BABAM2: variants seen among roughly 807,000 people sequenced by gnomAD.
The protein encoded by BABAM2 is BRISC and BRCA1-A complex member 2.
A neutral mutation model predicts 54.7 loss-of-function variants in BABAM2; 31 were observed. The observed-to-expected ratio is 0.57, with a 90% CI of 0.43 to 0.77. The LOEUF is 0.77. BABAM2 is among the 30% of genes least tolerant of loss of function. The pLI, the probability that BABAM2 is intolerant of heterozygous loss-of-function variation, is 0.00. For missense variants in BABAM2, 364 were observed against 455.8 expected, an observed-to-expected ratio of 0.80 and a Z score of 1.83; for synonymous variants, 167 against 162.9, an observed-to-expected ratio of 1.03 and a Z score of -0.19.
At chr2:28,252,096 G>T (rs140328278) in intron 10 of BABAM2, among the ~76,000 whole-genome samples, 3,386 of 151,812 alleles carry the variant, frequency 0.022, 112 homozygotes, top group African/African-American at 0.078. Flanking sequence ...TGAGATAGGA[G>T]AATCGCTTGA....
chr2:28,308,452 C>G (rs1023653246), intron 11 of BABAM2: 1 of 528,310 alleles, frequency 1.9e-6, no homozygotes, highest in East Asian at 5.1e-5. Context: ...CAACTTGTGT[C>G]CATTGTGGAT....
Position 28,329,230 on chromosome 2 carries a change from C to A in BABAM2, c.1089-9220C>A, listed in dbSNP as rs116381048. Among the ~76,000 whole-genome samples the A allele has an allele frequency of 1.7e-3, 258 of 152,334 alleles. 1 individual carries two copies. Among genetic ancestry groups the A allele is most frequent in the Non-Finnish European group, 2.9e-3 (195 of 68,032 alleles). On this transcript the variant is annotated intron_variant, in intron 11 of 11. Coordinates refer to ENST00000379624, the MANE Select transcript of BABAM2 (RefSeq NM_199191.3). The surrounding 1 kb of genome is among the most constrained non-coding windows in gnomAD (Gnocchi z 4.2). Reference sequence around the variant, plus strand: ...CAGAGGGGTGGCCGAGAGGAACAGGCCTTCATGTCCCCCGACAAAACTGTC... The same window carrying A: ...CAGAGGGGTGGCCGAGAGGAACAGGACTTCATGTCCCCCGACAAAACTGTC...
chr2:28,228,665 A>T (rs1354188074), intron 7 of BABAM2, among the ~76,000 whole-genome samples: 1 of 152,218 alleles, frequency 6.6e-6, no homozygotes, highest in Non-Finnish European at 1.5e-5. Flanking sequence ...AGAGAAAAAA[A>T]AAACTTTTCT....
At position 28,311,260 on chromosome 2, in the gene BABAM2, CAA is replaced by C. The variant is rs11309935; in HGVS notation, c.1088+12787_1088+12788del. Among the ~76,000 whole-genome samples the C allele has an allele frequency of 1.9e-3, 207 of 110,434 alleles. 1 individual carries two copies. Among genetic ancestry groups the C allele is most frequent in the South Asian group, 7.9e-3 (27 of 3,428 alleles). The allele number at this position is 110,434 out of a possible 152,430, so 72.4% of individuals were successfully genotyped here. On this transcript the variant is annotated intron_variant, in intron 11 of 11. Transcript: ENST00000379624. ...TAGGCGACAGAATGAGACCCTGTCTCAAAAAAAAAAAAAAAAAAAGAACAATC... is the reference window on the plus strand; with the variant it reads ...TAGGCGACAGAATGAGACCCTGTCTCAAAAAAAAAAAAAAAAAGAACAATC...
chr2:28,251,719 A>G (rs936187100), intron 10 of BABAM2, among the ~76,000 whole-genome samples: 1 of 152,228 alleles, frequency 6.6e-6, no homozygotes, highest in Non-Finnish European at 1.5e-5. Context: ...TATATAAAGG[A>G]ATATACTTGA....
chr2:28,147,932 T>C (rs1671657935), intron 7 of BABAM2, among the ~76,000 whole-genome samples: 2 of 152,178 alleles, frequency 1.3e-5, no homozygotes, highest in Admixed American at 1.3e-4. Flanking sequence ...CCACTTAATA[T>C]ACCTCCCTAC....
chr2:28,278,306 T>G (rs1407106863), intron 10 of BABAM2, among the ~76,000 whole-genome samples: 5 of 152,108 alleles, frequency 3.3e-5, no homozygotes, highest in Non-Finnish European at 7.4e-5. Flanking sequence ...AGCTGGGGTT[T>G]GATAAACCAC....
In BABAM2 at chr2:28,046,528, A is replaced by G. The variant is rs540818997; in HGVS notation, c.570+729A>G. ...TTTGGCTGGCCTCCCTCTGTGCTGT[A>G]TTTGTACTTGTGGTTCTTTAATTGC... On this transcript the variant is annotated intron_variant, in intron 6 of 11. Coordinates refer to ENST00000379624, the MANE Select transcript of BABAM2 (RefSeq NM_199191.3). 2.0e-5 allele frequency among the ~76,000 whole-genome samples: 3 copies of G among 152,180 alleles called. No individual in the cohort carries two copies. In the East Asian group the frequency reaches 5.8e-4, roughly 29 times the overall value.
chr2:28,026,979 A>ATATAAATATATATATAAATATAT (rs1558668295), intron 5 of BABAM2, among the ~76,000 whole-genome samples: 1 of 96,600 alleles, frequency 1.0e-5, no homozygotes, highest in African/African-American at 5.1e-5. Flanking sequence ...TAAATATATA[A>ATATAAATATATATATAAATATAT]ATATATATAA....
At chr2:28,191,070 G>T (rs191076469) in intron 7 of BABAM2, among the ~76,000 whole-genome samples, 26 of 152,162 alleles carry the variant, frequency 1.7e-4, no homozygotes, top group Middle Eastern at 3.4e-3. Context: ...ATATGACAAA[G>T]AACTGTTATC....
At chr2:28,311,288 G>A (rs866805505) in intron 11 of BABAM2, among the ~76,000 whole-genome samples, 1 of 149,722 alleles carries the variant, frequency 6.7e-6, no homozygotes, top group African/African-American at 2.5e-5. Context: ...AAGAACAATC[G>A]AGTGTTCAAG....
intron 7 of BABAM2, among the ~76,000 whole-genome samples, chr2:28,208,628 C>A (rs760735116): frequency 2.8e-5 from 4 of 144,222 alleles, no homozygotes; most frequent in Admixed American, 6.9e-5. Context: ...TCCCTCCCTT[C>A]CTCTTTCTTT....
rs1690746611 is a variant in BABAM2 at position 28,329,276 on chromosome 2, G to A, written c.1089-9174G>A. Among the ~76,000 whole-genome samples the A allele has an allele frequency of 6.6e-6, 1 of 152,292 alleles. No homozygotes were observed. Among genetic ancestry groups the A allele is most frequent in the South Asian group, 2.1e-4 (1 of 4,828 alleles). On this transcript the variant is annotated intron_variant, in intron 11 of 11. Transcript: ENST00000379624. This position sits in a 1 kb window ranked among gnomAD's most constrained non-coding sequence, Gnocchi z 4.2. ...CTGTCTATGGCACTTTTTGCTCGGG[G>A]CTCTGCAGCGTTCACTAACCCTACC...
At chr2:28,137,500 A>G (rs942087829) in intron 7 of BABAM2, among the ~76,000 whole-genome samples, 5 of 152,216 alleles carry the variant, frequency 3.3e-5, no homozygotes, top group African/African-American at 1.2e-4. Flanking sequence ...GCAAGTTTTC[A>G]TTAGTGAGTT....
At chr2:28,135,504 C>T (rs1395734938) in intron 7 of BABAM2, among the ~76,000 whole-genome samples, 1 of 152,066 alleles carries the variant, frequency 6.6e-6, no homozygotes, top group Non-Finnish European at 1.5e-5. Flanking sequence ...TTGTGGATGA[C>T]ACCCAGATCC....
At chr2:28,232,486 C>T (rs1363824395) in intron 7 of BABAM2, among the ~76,000 whole-genome samples, 1 of 152,172 alleles carries the variant, frequency 6.6e-6, no homozygotes, top group Non-Finnish European at 1.5e-5. Context: ...AGAAATGTGT[C>T]ATTAAGCAGT....
intron 3 of BABAM2, among the ~76,000 whole-genome samples, chr2:27,938,063 T>G (rs1668614821): frequency 6.6e-6 from 1 of 152,196 alleles, no homozygotes; most frequent in South Asian, 2.1e-4. Flanking sequence ...GAAGAGACTG[T>G]CCTTTCTCCA....
intron 6 of BABAM2, among the ~76,000 whole-genome samples, chr2:28,097,198 C>T (rs1243669806): frequency 6.6e-6 from 1 of 152,062 alleles, no homozygotes; most frequent in Non-Finnish European, 1.5e-5. Flanking sequence ...AGCAAAGGAC[C>T]TGGGGACAGG....
chr2:28,228,623 G>A (rs1681097180), intron 7 of BABAM2, among the ~76,000 whole-genome samples: 1 of 151,974 alleles, frequency 6.6e-6, no homozygotes, highest in Non-Finnish European at 1.5e-5. Flanking sequence ...GCAATCAACA[G>A]CAGGTAGTAG....
Sources: gnomAD v4.1 joint callset for allele counts (sites outside exome capture counted in the v4.1 genomes callset) on GRCh38, gnomAD v4.1.1 for gene constraint, Gnocchi (gnomAD v3.1) non-coding constraint, MANE v1.5 for transcripts, NCBI Gene and HGNC (gene_info 2026-07-23, HGNC 2026-07-21) for gene names.